The following GALNT13 variants were observed in gnomAD, a reference collection of about 807,000 sequenced individuals.
GALNT13 encodes UDP-GalNAc:polypeptide N-acetylgalactosaminyltransferase 13.
A neutral mutation model predicts 64.2 loss-of-function variants in GALNT13; 28 were observed. That is an observed-to-expected ratio of 0.44 (90% CI 0.32 to 0.60). GALNT13 has a LOEUF of 0.60. GALNT13 is among the 20% of genes least tolerant of loss of function. GALNT13 has a pLI of 0.05. For missense variants in GALNT13, 577 were observed against 669.8 expected (o/e 0.86, Z 1.53); for synonymous variants, 214 against 224.6 (o/e 0.95, Z 0.42).
At chr2:153,128,504 C>T in the GALNT13 span, among the ~76,000 whole-genome samples, 3 of 151,980 alleles carry the variant, frequency 2.0e-5, no homozygotes, top group Non-Finnish European at 4.4e-5. Flanking sequence ...ATGGGAGCTA[C>T]AAGATGAGAT....
intron 11 of GALNT13, among the ~76,000 whole-genome samples, chr2:154,424,735 T>C (rs756580205): frequency 6.6e-6 from 1 of 152,226 alleles, no homozygotes; most frequent in Non-Finnish European, 1.5e-5. Flanking sequence ...ATCCACAGTG[T>C]AACTAATTAG....
chr2:153,736,839 G>A, the GALNT13 span, among the ~76,000 whole-genome samples: 1 of 152,010 alleles, frequency 6.6e-6, no homozygotes, highest in Non-Finnish European at 1.5e-5. Flanking sequence ...TAGCTCCTGT[G>A]ACTGGCTGCC....
At chr2:153,703,207 CA>C in the GALNT13 span, among the ~76,000 whole-genome samples, 3 of 152,148 alleles carry the variant, frequency 2.0e-5, no homozygotes, top group South Asian at 6.2e-4. Context: ...GTGTCTTCTC[CA>C]TACACATTTA....
chr2:153,756,751 AAATACTCAGTGAAATTT>A, the GALNT13 span, among the ~76,000 whole-genome samples: 1 of 152,116 alleles, frequency 6.6e-6, no homozygotes, highest in Non-Finnish European at 1.5e-5. Context: ...AGTATCTTCA[AAATACTCAGTGAAATTT>A]ATCAGTTCTG....
At chr2:154,404,381 A>G (rs1014466161) in intron 10 of GALNT13, among the ~76,000 whole-genome samples, 1 of 152,216 alleles carries the variant, frequency 6.6e-6, no homozygotes, top group Non-Finnish European at 1.5e-5. Context: ...AAAACTTAAA[A>G]GAATGATAAA....
chr2:153,571,826 A>G, the GALNT13 span, among the ~76,000 whole-genome samples: 1 of 151,888 alleles, frequency 6.6e-6, no homozygotes, highest in Non-Finnish European at 1.5e-5. Flanking sequence ...GTTCTTTCTA[A>G]TGTATTGTTG....
chr2:154,337,983 T>C (rs1287733693), intron 9 of GALNT13, among the ~76,000 whole-genome samples: 2 of 152,066 alleles, frequency 1.3e-5, no homozygotes, highest in Admixed American at 1.3e-4. Context: ...TCAGTAGTTA[T>C]AGATAAAACT....
At chr2:153,830,121 A>G in the GALNT13 span, among the ~76,000 whole-genome samples, 2 of 152,200 alleles carry the variant, frequency 1.3e-5, no homozygotes, top group East Asian at 3.8e-4. Flanking sequence ...GACTCATACC[A>G]GAAACATTAT....
chr2:153,997,456 T>G (rs1310853403), intron 3 of GALNT13, among the ~76,000 whole-genome samples: 1 of 152,082 alleles, frequency 6.6e-6, no homozygotes, highest in Non-Finnish European at 1.5e-5. Flanking sequence ...GTAACTTTCT[T>G]GATTTCTTTT....
At chr2:154,055,388 A>G (rs919104290) in intron 3 of GALNT13, among the ~76,000 whole-genome samples, 49 of 152,056 alleles carry the variant, frequency 3.2e-4, no homozygotes, top group African/African-American at 1.2e-3. Context: ...AGAGTGTGTC[A>G]CCTAGTATTT....
the GALNT13 span, among the ~76,000 whole-genome samples, chr2:153,656,006 A>G: frequency 6.6e-6 from 1 of 152,134 alleles, no homozygotes; most frequent in African/African-American, 2.4e-5. Context: ...CTTACTCTTT[A>G]TCATTTGAAA....
the GALNT13 span, among the ~76,000 whole-genome samples, chr2:153,095,709 T>G: frequency 6.6e-6 from 1 of 152,078 alleles, no homozygotes; most frequent in Non-Finnish European, 1.5e-5. Flanking sequence ...ATGCAGCCAT[T>G]AAAAAGGATG....
chr2:153,116,716 T>A, the GALNT13 span, among the ~76,000 whole-genome samples: 1 of 151,430 alleles, frequency 6.6e-6, no homozygotes, highest in Non-Finnish European at 1.5e-5. Context: ...GATGGCAGTA[T>A]CATTGGGAAA....
the GALNT13 span, among the ~76,000 whole-genome samples, chr2:153,118,795 A>T: frequency 6.6e-6 from 1 of 152,230 alleles, no homozygotes; most frequent in African/African-American, 2.4e-5. Context: ...AGATAAAATT[A>T]TTATCTTCAT....
chr2:153,882,254 A>G (rs1686837048), intron 1 of GALNT13, among the ~76,000 whole-genome samples: 1 of 152,052 alleles, frequency 6.6e-6, no homozygotes, highest in Admixed American at 6.6e-5. Flanking sequence ...TTAAGCCCCC[A>G]AAGGCCTGAG....
the GALNT13 span, among the ~76,000 whole-genome samples, chr2:153,424,630 A>G: frequency 6.6e-6 from 1 of 151,866 alleles, no homozygotes; most frequent in Non-Finnish European, 1.5e-5. Flanking sequence ...AGTGTTGGGA[A>G]ACCAGGTCTC....
At chr2:154,279,250 A>C (rs1691827321) in intron 8 of GALNT13, among the ~76,000 whole-genome samples, 1 of 152,146 alleles carries the variant, frequency 6.6e-6, no homozygotes, top group Admixed American at 6.5e-5. Flanking sequence ...GGCAGGGCTA[A>C]ACATCAAACT....
chr2:154,183,997 T>A (rs757028783), intron 4 of GALNT13, among the ~76,000 whole-genome samples: 15 of 151,960 alleles, frequency 9.9e-5, no homozygotes, highest in Non-Finnish European at 2.2e-4. Flanking sequence ...TTGCCAAGGC[T>A]GGCCTCAAAG....
At chr2:154,345,284 C>G (rs1696008044) in intron 9 of GALNT13, among the ~76,000 whole-genome samples, 1 of 151,952 alleles carries the variant, frequency 6.6e-6, no homozygotes, top group African/African-American at 2.4e-5. Context: ...CCGATGGTCC[C>G]TGAGATCAAG....
Sources: gnomAD v4.1 joint callset for allele counts (sites outside exome capture counted in the v4.1 genomes callset) on GRCh38, gnomAD v4.1.1 for gene constraint, MANE v1.5 for transcripts, NCBI Gene and HGNC (gene_info 2026-07-23, HGNC 2026-07-21) for gene names.